UBE3A: variants seen among roughly 807,000 people sequenced by gnomAD.
UBE3A encodes the protein ubiquitin protein ligase E3A.
A neutral mutation model predicts 83.4 loss-of-function variants in UBE3A; 6 were observed. The observed-to-expected ratio is 0.07, with a 90% CI of 0.04 to 0.14. The LOEUF is 0.14. Among genes scored for constraint, UBE3A ranks in the 10% least tolerant of loss-of-function variants. UBE3A has a pLI of 1.00. For synonymous variants in UBE3A, 337 were observed against 355.4 expected, an observed-to-expected ratio of 0.95 and a Z score of 0.58; for missense variants, 456 against 1,036.1, an observed-to-expected ratio of 0.44 and a Z score of 7.69.
At chr15:25,365,418 C>T (rs556503518) in intron 6 of UBE3A, among the ~76,000 whole-genome samples, 1 of 152,120 alleles carries the variant, frequency 6.6e-6, no homozygotes, top group East Asian at 1.9e-4. Flanking sequence ...ATAAAAGAGA[C>T]CTCTAATACT....
intron 8 of UBE3A, among the ~76,000 whole-genome samples, chr15:25,356,396 C>T (rs949269025): frequency 6.6e-6 from 1 of 152,136 alleles, no homozygotes; most frequent in Admixed American, 6.5e-5. Context: ...GCCAGGGCTA[C>T]TCTGATTTTT....
chr15:25,410,556 C>G (rs918387408), intron 2 of UBE3A, among the ~76,000 whole-genome samples: 2 of 152,240 alleles, frequency 1.3e-5, no homozygotes, highest in South Asian at 4.1e-4. Context: ...AATAGTCAAG[C>G]GTAAAAGGTG....
rs1407097114 is a variant in UBE3A at position 25,360,480 on chromosome 15, C to T, written c.1656G>A (p.Leu552=). The change falls in exon 7 of 13, where the codon TTG becomes TTA. Residue 552 remains leucine (L), a synonymous_variant. Coordinates refer to ENST00000648336, the MANE Select transcript of UBE3A (RefSeq NM_130839.5). ...MENPADLKKQ[L]YVEFEGEQGV... is the part of the protein sequence containing the mutation. ...CTTGTTCTCCTTCAAATTCCACATA[C>T]AACTGCTTCTTCAAGTCTGCAGGAT... 1.2e-6 allele frequency: 2 copies of T among 1,613,838 alleles called. No individual in the cohort carries two copies. The highest frequency in any genetic ancestry group is 1.7e-5 in the Admixed American group (1 of 60,014).
chr15:25,436,821 G>A (rs1051396210), intron 1 of UBE3A, among the ~76,000 whole-genome samples: 1 of 152,088 alleles, frequency 6.6e-6, no homozygotes, highest in Non-Finnish European at 1.5e-5. Flanking sequence ...TCCTCTGAAA[G>A]GAAATCAAAA....
Position 25,422,126 on chromosome 15 carries a change from A to T in UBE3A, c.-164-10155T>A, listed in dbSNP as rs78872891. Among the ~76,000 whole-genome samples the T allele has an allele frequency of 1.1e-4, 17 of 152,362 alleles. No individual in the cohort carries two copies. The East Asian group carries it at 3.3e-3, about 29-fold the overall frequency. On this transcript the variant is annotated intron_variant, in intron 1 of 12. Transcript: ENST00000648336. Reference sequence around the variant, plus strand: ...AAAACGAAACAAACAAAAATCTGTGACAAACACAAATTGGATGAATCTCAA... The same window carrying T: ...AAAACGAAACAAACAAAAATCTGTGTCAAACACAAATTGGATGAATCTCAA...
At chr15:25,345,983 T>C (rs1032647186) in intron 11 of UBE3A, 2 of 152,270 alleles carry the variant, frequency 1.3e-5, no homozygotes, top group African/African-American at 4.8e-5. Context: ...AACAAACCCA[T>C]GCTTGAGACT....
At position 25,370,472 on chromosome 15, in the gene UBE3A, G is replaced by A; in HGVS notation, c.1608+94C>T. On this transcript the variant is annotated intron_variant, in intron 6 of 12. Transcript: ENST00000648336. This position sits in a 1 kb window ranked among gnomAD's most constrained non-coding sequence, Gnocchi z 4.2. The stretch of plus-strand genomic sequence containing the variant: ...ATGTCCATGTGTTCCTATGCTATAT[G>A]GTATCATTTTTTTCAGTCACTTTTA... 2 of 1,412,110 alleles carry A rather than the reference G, an allele frequency of 1.4e-6. No homozygotes were observed. Among genetic ancestry groups the A allele is most frequent in the East Asian group, 2.3e-5 (1 of 43,860 alleles). 87.5% of individuals were successfully genotyped at this position (1,412,110 alleles called of 1,614,324 possible).
chr15:25,342,412 C>T (rs573983385), intron 11 of UBE3A, among the ~76,000 whole-genome samples: 4 of 151,930 alleles, frequency 2.6e-5, no homozygotes, highest in East Asian at 1.9e-4. Context: ...GACTTTTAAA[C>T]GAAACCTTTA....
At chr15:25,368,362 G>A (rs558782475) in intron 6 of UBE3A, among the ~76,000 whole-genome samples, 1 of 151,954 alleles carries the variant, frequency 6.6e-6, no homozygotes, top group South Asian at 2.1e-4. Context: ...GGTTTTTCTA[G>A]TCTTTTCACA....
chr15:25,378,609 C>T (rs901809602), intron 4 of UBE3A, among the ~76,000 whole-genome samples: 1 of 152,076 alleles, frequency 6.6e-6, no homozygotes, highest in Non-Finnish European at 1.5e-5. Context: ...ACCAAGATCT[C>T]AAAGAAAGTA....
rs2074247896 is a variant in UBE3A, at chr15:25,338,906, T to A, written c.*231A>T. Reference sequence around the variant, plus strand: ...CGCAAAAAAATAATTATAATAATAATAAAGGATTTGTTCATATATGTAGCT... The same window carrying A: ...CGCAAAAAAATAATTATAATAATAAAAAAGGATTTGTTCATATATGTAGCT... On this transcript the variant is annotated 3_prime_UTR_variant, in exon 13 of 13. Transcript: ENST00000648336. The A allele has an allele frequency of 4.2e-6, 1 of 240,020 alleles. No individual in the cohort carries two copies. Among genetic ancestry groups the A allele is most frequent in the East Asian group, 8.1e-5 (1 of 12,300 alleles). 14.9% of individuals were successfully genotyped at this position (240,020 alleles called of 1,614,324 possible).
intron 11 of UBE3A, 124 bp from the exon 12 acceptor site, chr15:25,340,352 T>A (rs906818185): frequency 3.4e-6 from 4 of 1,169,622 alleles, no homozygotes; most frequent in Admixed American, 3.7e-5. Context: ...ATCAGGATAG[T>A]ATCACTTCTG....
intron 1 of UBE3A, among the ~76,000 whole-genome samples, chr15:25,430,621 T>C (rs1239753828): frequency 2.0e-5 from 3 of 151,802 alleles, no homozygotes; most frequent in South Asian, 4.2e-4. Context: ...TTGAGGACTG[T>C]CCCCACAGCA....
At chr15:25,401,697 G>A (rs1055685869) in intron 4 of UBE3A, among the ~76,000 whole-genome samples, 3 of 151,870 alleles carry the variant, frequency 2.0e-5, no homozygotes, top group African/African-American at 4.8e-5. Flanking sequence ...TCTTAGTCTA[G>A]CTAAAGACTT....
intron 1 of UBE3A, among the ~76,000 whole-genome samples, chr15:25,414,544 A>T (rs1006568636): frequency 6.6e-6 from 1 of 152,192 alleles, no homozygotes; most frequent in African/African-American, 2.4e-5. Flanking sequence ...TCTGAAGAAA[A>T]GGAAAACCAT....
chr15:25,409,161 C>CA lies in UBE3A; in HGVS notation c.-55dup. On this transcript the variant is annotated 5_prime_UTR_variant, in exon 3 of 13. Coordinates refer to ENST00000648336, the MANE Select transcript of UBE3A (RefSeq NM_130839.5). Reference sequence around the variant, plus strand: ...GAGTCACTGATTAAAAACAGGTTGTCACACCAGTCTAGCTGCTACCTTGAT... The same window carrying CA: ...GAGTCACTGATTAAAAACAGGTTGTCAACACCAGTCTAGCTGCTACCTTGAT... The CA allele has an allele frequency of 3.8e-6, 6 of 1,569,802 alleles. No homozygotes were observed. The highest frequency in any genetic ancestry group is 5.2e-6 in the Non-Finnish European group (6 of 1,150,480).
intron 11 of UBE3A, among the ~76,000 whole-genome samples, chr15:25,351,462 ACT>A (rs1047586704): frequency 6.6e-6 from 1 of 152,130 alleles, no homozygotes; most frequent in African/African-American, 2.4e-5. Context: ...AAGGAAATAA[ACT>A]CTGAATCTGT....
chr15:25,371,339 T>G lies in UBE3A; in HGVS notation c.835A>C (p.Asn279His), dbSNP rs376828905. The G allele has an allele frequency of 1.9e-6, 3 of 1,613,966 alleles. No individual in the cohort carries two copies. The African/African-American group carries it at 4.0e-5, about 22-fold the overall frequency. Residue 279 changes from asparagine to histidine, a missense_variant, in exon 6 of 13, where the codon AAT becomes CAT. Coordinates refer to ENST00000648336, the MANE Select transcript of UBE3A (RefSeq NM_130839.5). This position sits in a 1 kb window ranked among gnomAD's most constrained non-coding sequence, Gnocchi z 5.3. ...ACGATAATGAACAAATTCAGATAAT[T>G]AGGATCTCGAGAGTATACATTGTGA... The part of the protein sequence containing the change: ...TYHNVYSRDP[N>H]YLNLFIIVME...
At chr15:25,409,334 T>C (rs769576963) in intron 2 of UBE3A, 127 bp from the exon 3 acceptor site, 26 of 424,536 alleles carry the variant, frequency 6.1e-5, no homozygotes, top group Non-Finnish European at 9.8e-5. Context: ...GTAATTATTA[T>C]AGAAAAGTTT....
Sources: allele counts gnomAD v4.1 joint callset (sites outside exome capture counted in the v4.1 genomes callset), GRCh38; gene constraint gnomAD v4.1.1; non-coding constraint Gnocchi (gnomAD v3.1); transcripts MANE v1.5; gene names NCBI Gene and HGNC (gene_info 2026-07-23, HGNC 2026-07-21).